Variants in TOX3 observed in about 807,000 individuals in gnomAD.
The protein encoded by TOX3 is TOX high mobility group box family member 3, also known as CAG trinucleotide repeat-containing gene F9 protein.
A neutral mutation model predicts 64.3 loss-of-function variants in TOX3; 22 were observed. The ratio of observed to expected loss-of-function variants is 0.34; its 90% CI spans 0.24 to 0.49. The LOEUF (loss-of-function observed/expected upper bound fraction) is 0.49. Among genes scored for constraint, TOX3 ranks in the 20% least tolerant of loss-of-function variants. The probability of loss-of-function intolerance (pLI) is 0.99; values close to 1 mark genes in which losing one functional copy is unlikely to be tolerated. For synonymous variants in TOX3, 291 were observed against 273.6 expected (o/e 1.06, Z -0.63); for missense variants, 661 against 714.4 (o/e 0.93, Z 0.85).
chr16:52,448,721 G>A (rs1212804644), intron 4 of TOX3, among the ~76,000 whole-genome samples: 1 of 152,142 alleles, frequency 6.6e-6, no homozygotes, highest in South Asian at 2.1e-4. Flanking sequence ...ATGATGCTCA[G>A]GGTTCTGTCC....
intron 1 of TOX3, among the ~76,000 whole-genome samples, chr16:52,503,988 T>C (rs1370977708): frequency 6.6e-6 from 1 of 152,214 alleles, no homozygotes; most frequent in Non-Finnish European, 1.5e-5. Flanking sequence ...GAATCATCAC[T>C]TTCATATTCA....
intron 1 of TOX3, among the ~76,000 whole-genome samples, chr16:52,511,370 T>C (rs1962305473): frequency 6.6e-6 from 1 of 152,082 alleles, no homozygotes. Context: ...CAAGCGCCTG[T>C]AATCCCAGCT....
intron 1 of TOX3, among the ~76,000 whole-genome samples, chr16:52,534,034 T>C (rs1198556845): frequency 6.6e-6 from 1 of 152,122 alleles, no homozygotes; most frequent in African/African-American, 2.4e-5. Flanking sequence ...AGTAAAAGAT[T>C]GGAGGTCCCC....
At chr16:52,545,240 G>C (rs1963149877) in intron 1 of TOX3, among the ~76,000 whole-genome samples, 1 of 152,170 alleles carries the variant, frequency 6.6e-6, no homozygotes, top group African/African-American at 2.4e-5. Flanking sequence ...TTAGAATTCG[G>C]AGAGCAGGAA....
Position 52,546,961 on chromosome 16 carries a change from C to G in TOX3, c.-238G>C. The G allele has an allele frequency of 2.0e-6, 2 of 980,052 alleles. No homozygotes were observed. Among genetic ancestry groups the G allele is most frequent in the South Asian group, 9.2e-5 (2 of 21,666 alleles). The allele number at this position is 980,052 out of a possible 1,614,324, so 60.7% of individuals were successfully genotyped here. A position where few individuals can be genotyped will look rare whatever the true frequency, so the allele number is the denominator to read the frequency against. On this transcript the variant is annotated 5_prime_UTR_variant, in exon 1 of 7. Transcript: ENST00000219746. ...AGGCGGCCGGGGGGACGCGCCCCGC[C>G]GGGGCACCGAGGCAGCGCTGCGCGC...
At chr16:52,468,381 C>A (rs960241253) in intron 2 of TOX3, 128 bp downstream of exon 2, 14 of 706,644 alleles carry the variant, frequency 2.0e-5, no homozygotes, top group Non-Finnish European at 3.2e-5. Context: ...CTCTTTTCTC[C>A]TCCAAAGTAG....
At chr16:52,488,037 C>T (rs766641044) in intron 1 of TOX3, among the ~76,000 whole-genome samples, 2 of 152,168 alleles carry the variant, frequency 1.3e-5, no homozygotes, top group African/African-American at 2.4e-5. Flanking sequence ...GGGAAACTTC[C>T]AAGTGCCAAA....
intron 1 of TOX3, among the ~76,000 whole-genome samples, chr16:52,473,559 G>T (rs1447167130): frequency 6.6e-6 from 1 of 152,112 alleles, no homozygotes; most frequent in Non-Finnish European, 1.5e-5. Flanking sequence ...CCACACGCAC[G>T]TGAAGGCTCG....
In TOX3 at chr16:52,546,679, G is replaced by A. The variant is rs1405581367; in HGVS notation, c.45C>T (p.Ser15=). Reference sequence around the variant, plus strand: ...ACCCCAGGCACTGCGCGAAGTCCAGGCTGGCAGGGTCCCCGGCCGCCGCGG... The same window carrying A: ...ACCCCAGGCACTGCGCGAAGTCCAGACTGGCAGGGTCCCCGGCCGCCGCGG... ...FYPAAAGDPA[S]LDFAQCLGYY... Residue 15 remains serine, a synonymous_variant, in exon 1 of 7, where the codon AGC becomes AGT. Coordinates refer to ENST00000219746, the MANE Select transcript of TOX3 (RefSeq NM_001080430.4). 1.9e-6 allele frequency: 3 copies of A among 1,544,122 alleles called. No homozygotes were observed. Among genetic ancestry groups the A allele is most frequent in the Non-Finnish European group, 1.7e-6 (2 of 1,148,442 alleles).
chr16:52,542,681 G>C (rs1180418143), intron 1 of TOX3, among the ~76,000 whole-genome samples: 3 of 152,192 alleles, frequency 2.0e-5, no homozygotes, highest in Non-Finnish European at 4.4e-5. Context: ...CTAGTTTAAG[G>C]CTCTTAGGAA....
chr16:52,439,179 A>G lies in TOX3; in HGVS notation c.*46T>C. On this transcript the variant is annotated 3_prime_UTR_variant, in exon 7 of 7. Transcript: ENST00000219746. ...TCAGCCACATATGCTTTTCCCTCCT[A>G]TGCCACTCTCCTTGGTATACGCAAA... The G allele has an allele frequency of 6.2e-7, 1 of 1,612,448 alleles. No individual in the cohort carries two copies. Among genetic ancestry groups the G allele is most frequent in the Non-Finnish European group, 8.5e-7 (1 of 1,179,308 alleles).
intron 2 of TOX3, among the ~76,000 whole-genome samples, chr16:52,466,037 C>A (rs1420743370): frequency 6.6e-6 from 1 of 152,082 alleles, no homozygotes; most frequent in African/African-American, 2.4e-5. Flanking sequence ...ATGAGCATAA[C>A]CCTATGGTTG....
In TOX3 at chr16:52,494,558, C is replaced by T. The variant is rs576512833; in HGVS notation, c.88-25984G>A. On this transcript the variant is annotated intron_variant, in intron 1 of 6. Coordinates refer to ENST00000219746, the MANE Select transcript of TOX3 (RefSeq NM_001080430.4). ...TTTATTTATTTCTACTTTCCATATCCTTTAAGGCTATCTCAGTAGTTCTAC... is the reference window on the plus strand; with the variant it reads ...TTTATTTATTTCTACTTTCCATATCTTTTAAGGCTATCTCAGTAGTTCTAC... Among the ~76,000 whole-genome samples the T allele has an allele frequency of 8.7e-4, 132 of 152,284 alleles. 1 individual carries two copies. The highest frequency in any genetic ancestry group is 3.1e-3 in the African/African-American group (129 of 41,556).
chr16:52,513,107 A>G (rs372880057), intron 1 of TOX3, among the ~76,000 whole-genome samples: 1 of 152,344 alleles, frequency 6.6e-6, no homozygotes, highest in East Asian at 1.9e-4. Flanking sequence ...GGAGCTTAAG[A>G]AAAAAGAAGT....
intron 1 of TOX3, among the ~76,000 whole-genome samples, chr16:52,515,738 T>C (rs1962436121): frequency 6.6e-6 from 1 of 152,206 alleles, no homozygotes; most frequent in South Asian, 2.1e-4. Flanking sequence ...AAGAATGGCA[T>C]AAGCTAAATT....
At chr16:52,532,770 G>T (rs936632491) in intron 1 of TOX3, among the ~76,000 whole-genome samples, 2 of 152,202 alleles carry the variant, frequency 1.3e-5, no homozygotes, top group Non-Finnish European at 2.9e-5. Context: ...AAGGGGGAAA[G>T]CTGTAGACAA....
At chr16:52,512,459 A>G (rs778632091) in intron 1 of TOX3, among the ~76,000 whole-genome samples, 1 of 152,226 alleles carries the variant, frequency 6.6e-6, no homozygotes, top group Non-Finnish European at 1.5e-5. Flanking sequence ...GTTGCTGCTC[A>G]ATACATCCAT....
chr16:52,462,824 C>T (rs533656357), intron 3 of TOX3, among the ~76,000 whole-genome samples: 1 of 151,428 alleles, frequency 6.6e-6, no homozygotes, highest in East Asian at 1.9e-4. Context: ...CGACTGTTCA[C>T]TGAATTCTTT....
chr16:52,518,614 C>CTGATATGATATTTACA (rs1962518257), intron 1 of TOX3, among the ~76,000 whole-genome samples: 1 of 152,162 alleles, frequency 6.6e-6, no homozygotes, highest in Non-Finnish European at 1.5e-5. Flanking sequence ...TATTCTCATA[C>CTGATATGATATTTACA]AGAATTCTAA....
Sources: allele counts gnomAD v4.1 joint callset (sites outside exome capture counted in the v4.1 genomes callset), GRCh38; gene constraint gnomAD v4.1.1; transcripts MANE v1.5; gene names NCBI Gene and HGNC (gene_info 2026-07-23, HGNC 2026-07-21).